CIMIP6: variants seen among roughly 807,000 people sequenced by gnomAD.
The protein encoded by CIMIP6 is ciliary microtubule inner protein 6, also known as uncharacterized protein C2orf73.
chr2:54,376,906 G>A, the CIMIP6 span, among the ~76,000 whole-genome samples: 1 of 152,220 alleles, frequency 6.6e-6, no homozygotes, highest in Non-Finnish European at 1.5e-5. Context: ...GGAGGGCAAA[G>A]GCACTACCTT....
At chr2:54,335,353 C>T in the CIMIP6 span, among the ~76,000 whole-genome samples, 2 of 152,136 alleles carry the variant, frequency 1.3e-5, no homozygotes, top group East Asian at 3.8e-4. Context: ...CAGTAATTCA[C>T]ATACCTTCTG....
the CIMIP6 span, among the ~76,000 whole-genome samples, chr2:54,340,928 A>G: frequency 6.6e-6 from 1 of 152,138 alleles, no homozygotes; most frequent in South Asian, 2.1e-4. Flanking sequence ...TCGTACCACT[A>G]TGCTCCAGCT....
chr2:54,334,217 A>T, the CIMIP6 span, among the ~76,000 whole-genome samples: 6 of 152,172 alleles, frequency 3.9e-5, no homozygotes, highest in Non-Finnish European at 7.3e-5. Context: ...ATACATTTTT[A>T]AAATATTTTA....
the CIMIP6 span, among the ~76,000 whole-genome samples, chr2:54,347,168 A>C: frequency 3.9e-5 from 6 of 152,218 alleles, no homozygotes; most frequent in Non-Finnish European, 7.3e-5. Flanking sequence ...GAATGTACAG[A>C]CTTGATAAAA....
At chr2:54,355,494 A>G in the CIMIP6 span, among the ~76,000 whole-genome samples, 1 of 152,006 alleles carries the variant, frequency 6.6e-6, no homozygotes, top group South Asian at 2.1e-4. Flanking sequence ...GAGCTCTTTC[A>G]ATCTGAGGTG....
the CIMIP6 span, among the ~76,000 whole-genome samples, chr2:54,366,023 T>C: frequency 6.6e-6 from 1 of 152,178 alleles, no homozygotes; most frequent in South Asian, 2.1e-4. Context: ...CGAAAATGGC[T>C]ATGATAGAGA....
At chr2:54,341,526 C>G in the CIMIP6 span, among the ~76,000 whole-genome samples, 2 of 152,190 alleles carry the variant, frequency 1.3e-5, no homozygotes, top group Non-Finnish European at 2.9e-5. Context: ...CTAAGACGTG[C>G]ACTTACAGCC....
chr2:54,377,404 A>G, the CIMIP6 span, among the ~76,000 whole-genome samples: 1 of 152,104 alleles, frequency 6.6e-6, no homozygotes, highest in Non-Finnish European at 1.5e-5. Context: ...ACTTGTGAAT[A>G]TTTATGACAT....
the CIMIP6 span, among the ~76,000 whole-genome samples, chr2:54,350,984 G>C: frequency 1.3e-5 from 2 of 152,144 alleles, no homozygotes; most frequent in Non-Finnish European, 2.9e-5. Context: ...ATTTCAAAGA[G>C]AGCCTTTCTA....
chr2:54,353,831 CA>C, the CIMIP6 span, among the ~76,000 whole-genome samples: 1 of 152,092 alleles, frequency 6.6e-6, no homozygotes, highest in Non-Finnish European at 1.5e-5. Flanking sequence ...TAGCTTTGCC[CA>C]TGGTGTCTTT....
the CIMIP6 span, chr2:54,361,691 T>G: frequency 6.6e-6 from 1 of 152,194 alleles, no homozygotes; most frequent in African/African-American, 2.4e-5. Flanking sequence ...GTAGGCAACC[T>G]TGTTATTTTA....
the CIMIP6 span, among the ~76,000 whole-genome samples, chr2:54,343,194 A>G: frequency 1.3e-5 from 2 of 152,224 alleles, no homozygotes; most frequent in African/African-American, 2.4e-5. Flanking sequence ...CACTGCATAT[A>G]GTAAGTATTT....
chr2:54,367,700 T>C, the CIMIP6 span, among the ~76,000 whole-genome samples: 3 of 152,038 alleles, frequency 2.0e-5, no homozygotes, highest in African/African-American at 7.3e-5. Context: ...CAACTTAAGA[T>C]TTATGGAGAA....
the CIMIP6 span, among the ~76,000 whole-genome samples, chr2:54,372,646 G>A: frequency 6.6e-6 from 1 of 152,288 alleles, no homozygotes; most frequent in South Asian, 2.1e-4. Flanking sequence ...AGTCCAGCCT[G>A]CACTCTTCCC....
the CIMIP6 span, among the ~76,000 whole-genome samples, chr2:54,345,088 G>C: frequency 6.6e-6 from 1 of 152,054 alleles, no homozygotes; most frequent in Non-Finnish European, 1.5e-5. Flanking sequence ...AATGTAGGGA[G>C]GCAAAATTAT....
At chr2:54,355,862 T>A in the CIMIP6 span, among the ~76,000 whole-genome samples, 1 of 152,218 alleles carries the variant, frequency 6.6e-6, no homozygotes, top group Non-Finnish European at 1.5e-5. Context: ...GGTATATTGG[T>A]TCTGATAATT....
At chr2:54,343,962 G>A in the CIMIP6 span, 2 of 1,157,274 alleles carry the variant, frequency 1.7e-6, no homozygotes, top group South Asian at 4.6e-5. Flanking sequence ...GACAGCTCCT[G>A]AAAATAATTA....
At chr2:54,335,307 G>A in the CIMIP6 span, among the ~76,000 whole-genome samples, 2 of 151,972 alleles carry the variant, frequency 1.3e-5, no homozygotes, top group Non-Finnish European at 2.9e-5. Flanking sequence ...ATGTATTTAC[G>A]ATATATATTC....
the CIMIP6 span, among the ~76,000 whole-genome samples, chr2:54,376,058 C>A: frequency 6.6e-6 from 1 of 152,140 alleles, no homozygotes; most frequent in African/African-American, 2.4e-5. Flanking sequence ...GTTCTTGAGA[C>A]AGTGACTCAC....
Sources: allele counts gnomAD v4.1 joint callset (sites outside exome capture counted in the v4.1 genomes callset), GRCh38; gene constraint gnomAD v4.1.1; transcripts MANE v1.5; gene names NCBI Gene and HGNC (gene_info 2026-07-23, HGNC 2026-07-21).